SLC8A1: variants seen among roughly 807,000 people sequenced by gnomAD.
SLC8A1 encodes sodium/calcium exchanger 1.
SLC8A1 carries 18 observed loss-of-function variants against 68.3 expected under a neutral mutation model. That is an observed-to-expected ratio of 0.26 (90% CI 0.18 to 0.39). SLC8A1 has a LOEUF of 0.39. SLC8A1 is among the 10% of genes least tolerant of loss of function. SLC8A1 has a pLI of 1.00. For synonymous variants in SLC8A1, 475 were observed against 415.5 expected (o/e 1.14, Z -1.74); for missense variants, 985 against 1,156.7 (o/e 0.85, Z 2.15).
intron 2 of SLC8A1, among the ~76,000 whole-genome samples, chr2:40,256,298 G>C (rs2063910004): frequency 6.6e-6 from 1 of 152,142 alleles, no homozygotes; most frequent in South Asian, 2.1e-4. Context: ...CCTTTTTTGA[G>C]ACGGCTGCCT....
intron 2 of SLC8A1, among the ~76,000 whole-genome samples, chr2:40,202,035 T>C (rs1316549876): frequency 6.6e-6 from 1 of 152,030 alleles, no homozygotes; most frequent in African/African-American, 2.4e-5. Flanking sequence ...CTGGTGTGTG[T>C]ACACGTGGAG....
At chr2:40,170,120 G>C (rs2047208221) in intron 4 of SLC8A1, among the ~76,000 whole-genome samples, 161 bp downstream of exon 7, 1 of 152,146 alleles carries the variant, frequency 6.6e-6, no homozygotes, top group Non-Finnish European at 1.5e-5. Context: ...ACGTGCTTGT[G>C]TTTTGTTGTA....
chr2:40,454,416 G>C (rs569769692), upstream of SLC8A1, among the ~76,000 whole-genome samples: 1 of 151,930 alleles, frequency 6.6e-6, no homozygotes, highest in Non-Finnish European at 1.5e-5. Context: ...TTGTGACATG[G>C]AGTGACAAGA....
chr2:40,368,268 T>C (rs1676900137), intron 2 of SLC8A1, among the ~76,000 whole-genome samples: 1 of 152,070 alleles, frequency 6.6e-6, no homozygotes, highest in South Asian at 2.1e-4. Context: ...GGCCATAGGC[T>C]CCCTTTTTAT....
At chr2:40,459,558 G>A (rs1345990966) in intron 1 of SLC8A1, among the ~76,000 whole-genome samples, 1 of 152,184 alleles carries the variant, frequency 6.6e-6, no homozygotes. Flanking sequence ...AAGACAGACT[G>A]CCACCAGGGG....
chr2:40,416,186 A>G (rs151261307), intron 2 of SLC8A1, among the ~76,000 whole-genome samples: 1 of 151,934 alleles, frequency 6.6e-6, no homozygotes, highest in Non-Finnish European at 1.5e-5. Context: ...GCCCTCTTTT[A>G]CTCACAAAAG....
intron 2 of SLC8A1, among the ~76,000 whole-genome samples, chr2:40,203,804 C>G (rs985200261): frequency 6.6e-6 from 1 of 151,906 alleles, no homozygotes; most frequent in African/African-American, 2.4e-5. Context: ...CTTCTGGGCT[C>G]AAATGATCCT....
intron 2 of SLC8A1, among the ~76,000 whole-genome samples, chr2:40,201,622 C>A (rs1252076833): frequency 2.0e-5 from 3 of 151,942 alleles, no homozygotes; most frequent in Non-Finnish European, 4.4e-5. Context: ...CTTGACTATT[C>A]TGGCTTGAAG....
chr2:40,252,532 C>T (rs943667773), intron 2 of SLC8A1, among the ~76,000 whole-genome samples: 1 of 152,076 alleles, frequency 6.6e-6, no homozygotes, highest in South Asian at 2.1e-4. Flanking sequence ...CAGGGTTTCA[C>T]CATGTTGGCC....
At chr2:40,145,793 G>A (rs2042351642) in intron 6 of SLC8A1, among the ~76,000 whole-genome samples, 2 of 152,108 alleles carry the variant, frequency 1.3e-5, no homozygotes, top group African/African-American at 4.8e-5. Context: ...ACGCCATAAG[G>A]GCCAGCAGTT....
intron 1 of SLC8A1, among the ~76,000 whole-genome samples, chr2:40,433,104 C>A (rs960912223): frequency 6.6e-6 from 1 of 152,138 alleles, no homozygotes; most frequent in African/African-American, 2.4e-5. Flanking sequence ...CAAATCGCAT[C>A]ATTCCATTCT....
intron 2 of SLC8A1, among the ~76,000 whole-genome samples, chr2:40,344,216 A>G (rs1484089897): frequency 6.6e-6 from 1 of 152,204 alleles, no homozygotes. Flanking sequence ...TGTCAACAGC[A>G]AAGTATCTAA....
At chr2:40,321,785 A>T (rs1472774060) in intron 2 of SLC8A1, among the ~76,000 whole-genome samples, 1 of 152,070 alleles carries the variant, frequency 6.6e-6, no homozygotes, top group Non-Finnish European at 1.5e-5. Flanking sequence ...ACACGTGGGG[A>T]CTATGGGAAC....
At chr2:40,286,974 G>T (rs947732810) in intron 2 of SLC8A1, among the ~76,000 whole-genome samples, 1 of 152,182 alleles carries the variant, frequency 6.6e-6, no homozygotes, top group Non-Finnish European at 1.5e-5. Context: ...TTGAGACATG[G>T]AGTTAGGCTT....
At position 40,467,525 on chromosome 2, in the gene SLC8A1, T is replaced by C. The variant is rs566258291; in HGVS notation, c.-24-37221A>G. Among the ~76,000 whole-genome samples, 88 of 152,294 alleles carry C rather than the reference T, an allele frequency of 5.8e-4. 1 individual carries two copies. Among genetic ancestry groups the C allele is most frequent in the Middle Eastern group, 3.4e-3 (1 of 294 alleles). On this transcript the variant is annotated intron_variant, in intron 1 of 7. Transcript: ENST00000402441. Reference sequence around the variant, plus strand: ...TTAAAAACATTGGCAGCTGCTATTGTTGTCTCCTTTTATGTTCCTTCTACA... The same window carrying C: ...TTAAAAACATTGGCAGCTGCTATTGCTGTCTCCTTTTATGTTCCTTCTACA...
intron 1 of SLC8A1, among the ~76,000 whole-genome samples, chr2:40,437,151 T>C (rs1215116472): frequency 2.0e-5 from 3 of 152,200 alleles, no homozygotes; most frequent in Non-Finnish European, 4.4e-5. Flanking sequence ...ACTAGAATTT[T>C]AATTCAGGCA....
At chr2:40,352,098 A>G (rs1671278315) in intron 2 of SLC8A1, among the ~76,000 whole-genome samples, 2 of 152,158 alleles carry the variant, frequency 1.3e-5, no homozygotes, top group Non-Finnish European at 2.9e-5. Flanking sequence ...GCTATTTCCT[A>G]TGGAAATAAA....
At chr2:40,339,775 G>A (rs951235929) in intron 2 of SLC8A1, among the ~76,000 whole-genome samples, 4 of 152,110 alleles carry the variant, frequency 2.6e-5, no homozygotes, top group Admixed American at 6.6e-5. Context: ...TTTCTAAGAC[G>A]TATCTAAATA....
chr2:40,192,369 T>G (rs868391276), intron 2 of SLC8A1, among the ~76,000 whole-genome samples: 2,936 of 152,226 alleles, frequency 0.019, 43 homozygotes, highest in Middle Eastern at 0.048. Flanking sequence ...TTTAGAGTTT[T>G]TTTTACATTT....
Sources: gnomAD v4.1 joint callset for allele counts (sites outside exome capture counted in the v4.1 genomes callset) on GRCh38, gnomAD v4.1.1 for gene constraint, MANE v1.5 for transcripts, NCBI Gene and HGNC (gene_info 2026-07-23, HGNC 2026-07-21) for gene names.